Variants in JPH3 observed in about 807,000 individuals in gnomAD.
JPH3 encodes the protein junctophilin-3.
A neutral mutation model predicts 59.6 loss-of-function variants in JPH3; 11 were observed. The observed-to-expected ratio is 0.18, with a 90% CI of 0.12 to 0.31. JPH3 has a LOEUF of 0.31. Among genes scored for constraint, JPH3 ranks in the 10% least tolerant of loss-of-function variants. The pLI, the probability that JPH3 is intolerant of heterozygous loss-of-function variation, is 1.00. For synonymous variants in JPH3, 673 were observed against 483.6 expected (o/e 1.39, Z -5.14); for missense variants, 1,202 against 1,105.7 (o/e 1.09, Z -1.24).
chr16:87,665,992 G>T (rs1446002238), intron 2 of JPH3, among the ~76,000 whole-genome samples: 1 of 152,214 alleles, frequency 6.6e-6, no homozygotes, highest in East Asian at 1.9e-4. Flanking sequence ...ACCAGGGTGT[G>T]CAGAGGCCCG....
At chr16:87,687,226 C>G (rs1273290542) in intron 3 of JPH3, among the ~76,000 whole-genome samples, 3 of 152,134 alleles carry the variant, frequency 2.0e-5, no homozygotes, top group Non-Finnish European at 4.4e-5. Flanking sequence ...TCCTCACAGC[C>G]AGGAGCTGAG....
At chr16:87,656,895 G>A (rs890219582) in intron 2 of JPH3, among the ~76,000 whole-genome samples, 6 of 152,158 alleles carry the variant, frequency 3.9e-5, no homozygotes, top group African/African-American at 1.2e-4. Context: ...ATCACTCCTC[G>A]GGCTCCTTCT....
At chr16:87,669,741 A>G (rs555120236) in intron 2 of JPH3, among the ~76,000 whole-genome samples, 1 of 152,338 alleles carries the variant, frequency 6.6e-6, no homozygotes, top group African/African-American at 2.4e-5. Context: ...AGCTGGACCC[A>G]GGCAGAAAAA....
intron 2 of JPH3, among the ~76,000 whole-genome samples, chr16:87,648,182 C>T (rs1340484200): frequency 1.3e-5 from 2 of 152,066 alleles, no homozygotes; most frequent in Non-Finnish European, 2.9e-5. Context: ...GGAGGATGAG[C>T]CTGCATTCTG....
rs56357811 is a variant in JPH3 at position 87,696,394 on chromosome 16, G to C, written c.2167-186G>C. ...TACAGGCAGCTGGGGCTTCTCTCCC[G>C]CGTCTGGACTTCACGGAGCTCAGGT... On this transcript the variant is annotated intron_variant, in intron 4 of 4. Transcript: ENST00000284262. The C allele has an allele frequency of 1.0e-2, 6,003 of 602,180 alleles. 268 individuals carry two copies. The highest frequency in any genetic ancestry group is 0.097 in the African/African-American group (5,224 of 53,924). 37.3% of individuals were successfully genotyped at this position (602,180 alleles called of 1,614,324 possible).
At chr16:87,659,999 C>T (rs1286441435) in intron 2 of JPH3, among the ~76,000 whole-genome samples, 1 of 152,146 alleles carries the variant, frequency 6.6e-6, no homozygotes, top group Non-Finnish European at 1.5e-5. Context: ...AAGGGGATTC[C>T]TTTCCTTGTC....
chr16:87,673,221 G>A lies in JPH3; in HGVS notation c.1161-10921G>A, dbSNP rs528373373. 6.7e-5 allele frequency among the ~76,000 whole-genome samples: 10 copies of A among 150,222 alleles called. 1 individual carries two copies. In the South Asian group the frequency reaches 1.5e-3, roughly 22 times the overall value. On this transcript the variant is annotated intron_variant, in intron 2 of 4. Coordinates refer to ENST00000284262, the MANE Select transcript of JPH3 (RefSeq NM_020655.4). Reference sequence around the variant, plus strand: ...ACTGCATAAAACACTTCTACAAATCGACAAGAAAAAAAAATCAACCGCACT... The same window carrying A: ...ACTGCATAAAACACTTCTACAAATCAACAAGAAAAAAAAATCAACCGCACT...
At chr16:87,637,601 G>T (rs978797693) in intron 1 of JPH3, among the ~76,000 whole-genome samples, 1 of 152,140 alleles carries the variant, frequency 6.6e-6, no homozygotes, top group African/African-American at 2.4e-5. Context: ...AAAGCTGGGT[G>T]AGACCCTAGT....
intron 2 of JPH3, among the ~76,000 whole-genome samples, chr16:87,669,822 G>A (rs113455753): frequency 0.054 from 8,291 of 152,178 alleles, 730 homozygotes; most frequent in African/African-American, 0.19. Context: ...CAGCCAGTGT[G>A]GATGGACTCT....
chr16:87,621,083 C>G (rs1480806815), intron 1 of JPH3, among the ~76,000 whole-genome samples: 1 of 152,216 alleles, frequency 6.6e-6, no homozygotes. Flanking sequence ...TGCTTGAGCC[C>G]GGGAGGCGGA....
At chr16:87,652,858 A>G (rs925354685) in intron 2 of JPH3, among the ~76,000 whole-genome samples, 1 of 152,162 alleles carries the variant, frequency 6.6e-6, no homozygotes, top group Non-Finnish European at 1.5e-5. Context: ...AGAGGTGACA[A>G]GTCCTGGGCA....
chr16:87,617,803 A>G (rs556580788), intron 1 of JPH3, among the ~76,000 whole-genome samples: 8 of 151,968 alleles, frequency 5.3e-5, no homozygotes, highest in East Asian at 3.9e-4. Flanking sequence ...GGGTGCGTCC[A>G]TGGTGGGGAT....
chr16:87,678,093 A>G (rs1364937040), intron 2 of JPH3, among the ~76,000 whole-genome samples: 2 of 152,086 alleles, frequency 1.3e-5, no homozygotes, highest in Non-Finnish European at 2.9e-5. Context: ...CTCTACAAAA[A>G]TAAACAAAAT....
At chr16:87,675,197 C>T (rs1450392962) in intron 2 of JPH3, among the ~76,000 whole-genome samples, 1 of 146,258 alleles carries the variant, frequency 6.8e-6, no homozygotes, top group Non-Finnish European at 1.5e-5. Flanking sequence ...CCTCCCCCGC[C>T]GTTTCCCCGA....
rs566028768 is a variant in JPH3, at chr16:87,661,733, C to T, written c.1160+16698C>T. ...AGGGTCAGCACCTCGGAGAGTTCCCCGCAGGCCGCCACGGGGCGGGGAGAG... is the reference window on the plus strand; with the variant it reads ...AGGGTCAGCACCTCGGAGAGTTCCCTGCAGGCCGCCACGGGGCGGGGAGAG... On this transcript the variant is annotated intron_variant, in intron 2 of 4. Transcript: ENST00000284262. Among the ~76,000 whole-genome samples, 23 of 152,358 alleles carry T rather than the reference C, an allele frequency of 1.5e-4. No individual in the cohort carries two copies. The East Asian group carries it at 3.3e-3, about 22-fold the overall frequency.
chr16:87,685,632 G>A (rs2033398984), intron 3 of JPH3, among the ~76,000 whole-genome samples: 1 of 152,252 alleles, frequency 6.6e-6, no homozygotes, highest in African/African-American at 2.4e-5. Context: ...AGTGCCGTCG[G>A]GGGCACCTGC....
In JPH3 at chr16:87,681,131, C is replaced by T. The variant is rs183632326; in HGVS notation, c.1161-3011C>T. ...GATGATAGTTCCGGGAGGTCAGGTGCGCGCGGTGATGACAGTTCCGGAAGG... is the reference window on the plus strand; with the variant it reads ...GATGATAGTTCCGGGAGGTCAGGTGTGCGCGGTGATGACAGTTCCGGAAGG... On this transcript the variant is annotated intron_variant, in intron 2 of 4. Transcript: ENST00000284262. Among the ~76,000 whole-genome samples the T allele has an allele frequency of 4.4e-3, 672 of 151,974 alleles. 5 individuals are homozygous for T. Among genetic ancestry groups the T allele is most frequent in the African/African-American group, 0.015 (628 of 41,428 alleles).
intron 1 of JPH3, among the ~76,000 whole-genome samples, chr16:87,641,926 G>C (rs1414227894): frequency 6.6e-6 from 1 of 152,246 alleles, no homozygotes; most frequent in African/African-American, 2.4e-5. Flanking sequence ...GGATGCCGCG[G>C]GTGCCGGGCA....
At chr16:87,669,686 C>T (rs1314912877) in intron 2 of JPH3, among the ~76,000 whole-genome samples, 3 of 152,126 alleles carry the variant, frequency 2.0e-5, no homozygotes, top group Non-Finnish European at 2.9e-5. Context: ...GTGAGGGCCG[C>T]CTGGTCAGAG....
Sources: allele counts gnomAD v4.1 joint callset (sites outside exome capture counted in the v4.1 genomes callset), GRCh38; gene constraint gnomAD v4.1.1; transcripts MANE v1.5; gene names NCBI Gene and HGNC (gene_info 2026-07-23, HGNC 2026-07-21).